FAM76B: variants seen among roughly 807,000 people sequenced by gnomAD.
FAM76B encodes family with sequence similarity 76 member B.
FAM76B carries 16 observed loss-of-function variants against 51.8 expected under a neutral mutation model. The ratio of observed to expected loss-of-function variants is 0.31; its 90% confidence interval spans 0.21 to 0.47. The LOEUF (loss-of-function observed/expected upper bound fraction) is 0.47. Among genes scored for constraint, FAM76B ranks in the 20% least tolerant of loss-of-function variants. FAM76B has a pLI of 1.00. For missense variants in FAM76B, 342 were observed against 392.6 expected, an observed-to-expected ratio of 0.87 and a Z score of 1.09; for synonymous variants, 166 against 129.5, an observed-to-expected ratio of 1.28 and a Z score of -1.91.
intron 7 of FAM76B, chr11:95,779,274 A>C (rs1304978365): frequency 1.5e-6 from 1 of 654,650 alleles, no homozygotes; most frequent in Non-Finnish European, 2.5e-6. Flanking sequence ...AATATTTTTA[A>C]TCTAAAAACA....
In FAM76B at chr11:95,779,650, T is replaced by C. The variant is rs2120231261; in HGVS notation, c.649A>G (p.Lys217Glu). Residue 217 changes from lysine to glutamate, a missense_variant, in exon 7 of 10, where the codon AAG becomes GAG. Around this residue, in one of 3 missense-constraint regions of FAM76B, gnomAD observed 230 missense variants for 257.4 expected, o/e 0.89. Transcript: ENST00000358780. Reference sequence around the variant, plus strand: ...TTAGATTCCAATTTGGGCTTTTTCTTTGGAGTTTCATTCTGAATTGTTGCA... The same window carrying C: ...TTAGATTCCAATTTGGGCTTTTTCTCTGGAGTTTCATTCTGAATTGTTGCA... ...SSATIQNETPKKKPKLESKPS... is the reference protein window; with the variant it reads ...SSATIQNETPEKKPKLESKPS... The C allele has an allele frequency of 2.5e-6, 4 of 1,610,238 alleles. No individual in the cohort carries two copies. The East Asian group carries it at 6.7e-5, about 27-fold the overall frequency.
chr11:95,772,427 A>G (rs1417760850), intron 9 of FAM76B, among the ~76,000 whole-genome samples: 2 of 151,208 alleles, frequency 1.3e-5, no homozygotes, highest in African/African-American at 2.4e-5. Context: ...TACAGTGAAT[A>G]TTTTCACATT....
At chr11:95,779,772 T>C (rs547092228) in intron 6 of FAM76B, 85 bp from the exon 7 acceptor site, 1 of 1,553,746 alleles carries the variant, frequency 6.4e-7, no homozygotes, top group Non-Finnish European at 8.7e-7. Flanking sequence ...CCTAAAATAT[T>C]ACTGAAAATA....
In FAM76B at chr11:95,779,941, A is replaced by C; in HGVS notation, c.564-15T>G. 6.3e-7 allele frequency: 1 copy of C among 1,597,992 alleles called. No individual in the cohort carries two copies. The highest frequency in any genetic ancestry group is 8.5e-7 in the Non-Finnish European group (1 of 1,172,334). The stretch of plus-strand genomic sequence containing the variant: ...GATTGCTGATTCTGAAAAATACACA[A>C]ATGACATCTAATAATGACATTTATT... On this transcript the variant is annotated splice_polypyrimidine_tract_variant and intron_variant, in intron 5 of 9. Coordinates refer to ENST00000358780, the MANE Select transcript of FAM76B (RefSeq NM_144664.5).
intron 1 of FAM76B, chr11:95,788,790 C>A: frequency 1.4e-6 from 2 of 1,472,030 alleles, no homozygotes; most frequent in Non-Finnish European, 1.8e-6. Flanking sequence ...ATATTACAGA[C>A]AAATTAAGAA....
Position 95,786,283 on chromosome 11 carries a change from C to T in FAM76B, c.208-9G>A, listed in dbSNP as rs768589798. On this transcript the variant is annotated splice_polypyrimidine_tract_variant and intron_variant, in intron 3 of 9. Transcript: ENST00000358780. ...TACTGACAAGGCTTGGGCTGAAAAA[C>T]ATACACATTTTGAGACTTTTAAAAA... The T allele has an allele frequency of 6.2e-7, 1 of 1,613,294 alleles. No individual in the cohort carries two copies. Among genetic ancestry groups the T allele is most frequent in the Non-Finnish European group, 8.5e-7 (1 of 1,179,540 alleles).
At position 95,770,627 on chromosome 11, in the gene FAM76B, A is replaced by C. The variant is rs1358071577; in HGVS notation, c.*934T>G. On this transcript the variant is annotated 3_prime_UTR_variant, in exon 10 of 10. Coordinates refer to ENST00000358780, the MANE Select transcript of FAM76B (RefSeq NM_144664.5). ...ATCTTTGGGGAACTATTTTGACATA[A>C]TTAAATGAATTCAAAGACCAACAGC... is the stretch of plus-strand genomic sequence containing the variant. The C allele has an allele frequency of 6.6e-6, 1 of 151,856 alleles. No individual in the cohort carries two copies. Among genetic ancestry groups the C allele is most frequent in the Non-Finnish European group, 1.5e-5 (1 of 67,492 alleles). The allele number at this position is 151,856 out of a possible 1,614,324, so 9.4% of individuals were successfully genotyped here. A position where few individuals can be genotyped will look rare whatever the true frequency, so the allele number is the denominator to read the frequency against.
chr11:95,783,861 C>T (rs955443796), intron 4 of FAM76B, among the ~76,000 whole-genome samples: 1 of 152,186 alleles, frequency 6.6e-6, no homozygotes, highest in Non-Finnish European at 1.5e-5. Flanking sequence ...TGAGGTGGAA[C>T]AAGGTGATGC....
chr11:95,770,599 T>A lies in FAM76B; in HGVS notation c.*962A>T, dbSNP rs1859724417. 1 of 151,730 alleles carries A rather than the reference T, an allele frequency of 6.6e-6. No individual in the cohort carries two copies. 9.4% of individuals were successfully genotyped at this position (151,730 alleles called of 1,614,324 possible). A position where few individuals can be genotyped will look rare whatever the true frequency, so the allele number is the denominator to read the frequency against. ...TACTCTTTAAGAAGCAACTTAAAAT[T>A]AAATCTTTGGGGAACTATTTTGACA... On this transcript the variant is annotated 3_prime_UTR_variant, in exon 10 of 10. Transcript: ENST00000358780.
At chr11:95,778,693 A>T in intron 8 of FAM76B, 129 bp downstream of exon 8, 1 of 1,189,028 alleles carries the variant, frequency 8.4e-7, no homozygotes, top group Non-Finnish European at 1.1e-6. Context: ...GGGCTTTTGT[A>T]ATTTGTCTTA....
At chr11:95,789,330 C>T (rs1860843028) in intron 1 of FAM76B, 62 bp downstream of exon 1, 1 of 1,517,556 alleles carries the variant, frequency 6.6e-7, no homozygotes, top group African/African-American at 1.4e-5. Context: ...GCAGCGGCTA[C>T]CCGGCCCCCT....
rs558150856 is a variant in FAM76B, at chr11:95,771,632, G to T, written c.949C>A (p.Leu317Ile). The change falls in exon 10 of 10, where the codon CTC (leucine) becomes ATC (isoleucine). Residue 317 changes from leucine (L) to isoleucine (I), a missense_variant. Leu to Ile is a conservative substitution (Grantham distance 5). Coordinates refer to ENST00000358780, the MANE Select transcript of FAM76B (RefSeq NM_144664.5). ...TTTGATAATGCTGCGACCTGTTTGAGTAGTTCTCTGTTTTTGGCCTGTGGG... is the reference window on the plus strand; with the variant it reads ...TTTGATAATGCTGCGACCTGTTTGATTAGTTCTCTGTTTTTGGCCTGTGGG... ...EQLQAKNRELLKQVAALSKGK... is the reference protein window; with the variant it reads ...EQLQAKNRELIKQVAALSKGK... The T allele has an allele frequency of 1.2e-5, 20 of 1,606,458 alleles. No homozygotes were observed. In the East Asian group the frequency reaches 3.8e-4, roughly 31 times the overall value.
At chr11:95,775,873 C>G (rs3789960) in intron 9 of FAM76B, 49 bp downstream of exon 9, 430,013 of 1,254,634 alleles carry the variant, frequency 0.34, 79,132 homozygotes, top group Non-Finnish European at 0.38. Flanking sequence ...TGCTATTACT[C>G]AAGTTTAGCC....
chr11:95,786,529 AGAT>A (rs1860598268), intron 3 of FAM76B: 1 of 328,032 alleles, frequency 3.0e-6, no homozygotes, highest in East Asian at 5.2e-5. Context: ...ATAGTCTGTT[AGAT>A]AATACAAAAA....
intron 1 of FAM76B, chr11:95,788,921 T>C: frequency 7.4e-7 from 1 of 1,352,134 alleles, no homozygotes; most frequent in Non-Finnish European, 9.7e-7. Flanking sequence ...CAGAGCATTC[T>C]GTTCCCAAAC....
chr11:95,788,900 G>C, intron 1 of FAM76B: 1 of 1,359,248 alleles, frequency 7.4e-7, no homozygotes, highest in Non-Finnish European at 9.7e-7. Context: ...GGGATGGGAG[G>C]AGCTCCAAAT....
intron 3 of FAM76B, among the ~76,000 whole-genome samples, chr11:95,787,061 A>C (rs902521613): frequency 1.3e-5 from 2 of 152,198 alleles, no homozygotes; most frequent in African/African-American, 4.8e-5. Context: ...ATAACCAAGA[A>C]TTTGCTATAT....
At chr11:95,772,974 C>T (rs960182326) in intron 9 of FAM76B, among the ~76,000 whole-genome samples, 14 of 150,766 alleles carry the variant, frequency 9.3e-5, no homozygotes, top group African/African-American at 2.7e-4. Flanking sequence ...AAGGTGGTAA[C>T]GAAAAACTTC....
Position 95,789,563 on chromosome 11 carries a change from G to T in FAM76B, c.-85C>A, listed in dbSNP as rs1860876230. Reference sequence around the variant, plus strand: ...CCCGAGAGCCGCCGCCGCCCGGGCCGCGGGCTCCTCCTCCTCCCCCTCCCC... The same window carrying T: ...CCCGAGAGCCGCCGCCGCCCGGGCCTCGGGCTCCTCCTCCTCCCCCTCCCC... On this transcript the variant is annotated 5_prime_UTR_variant, in exon 1 of 10. Transcript: ENST00000358780. 2 of 1,279,174 alleles carry T rather than the reference G, an allele frequency of 1.6e-6. No homozygotes were observed. The highest frequency in any genetic ancestry group is 2.2e-6 in the Non-Finnish European group (2 of 927,476). The allele number at this position is 1,279,174 out of a possible 1,614,324, so 79.2% of individuals were successfully genotyped here.
Sources: gnomAD v4.1 joint callset for allele counts (sites outside exome capture counted in the v4.1 genomes callset) on GRCh38, gnomAD v4.1.1 for gene constraint, gnomAD v4.1.1 regional missense constraint, MANE v1.5 for transcripts, NCBI Gene and HGNC (gene_info 2026-07-23, HGNC 2026-07-21) for gene names.